The following USH2A variants were observed in gnomAD, a reference collection of about 807,000 sequenced individuals.
The protein encoded by USH2A is Usher syndrome 2A (autosomal recessive, mild).
USH2A carries 443 observed loss-of-function variants against 538.9 expected under a neutral mutation model. The ratio of observed to expected loss-of-function variants is 0.82; its 90% confidence interval spans 0.76 to 0.89. The LOEUF is 0.89. Ranked by LOEUF, USH2A falls within the 40% of genes least tolerant of loss-of-function variation. The pLI, the probability that USH2A is intolerant of heterozygous loss-of-function variation, is 0.00. For missense variants in USH2A, 6,633 were observed against 6,324.8 expected (o/e 1.05, Z -1.65); for synonymous variants, 2,413 against 2,273.5 (o/e 1.06, Z -1.75).
chr1:216,001,274 G>C (rs897264248), intron 32 of USH2A, among the ~76,000 whole-genome samples: 14 of 152,190 alleles, frequency 9.2e-5, no homozygotes, highest in African/African-American at 3.4e-4. Flanking sequence ...ACAATACCTG[G>C]CACATTGTAG....
At chr1:216,315,304 A>T (rs1418699755) in intron 9 of USH2A, among the ~76,000 whole-genome samples, 1 of 152,154 alleles carries the variant, frequency 6.6e-6, no homozygotes, top group Non-Finnish European at 1.5e-5. Context: ...TTAGGGAATG[A>T]TCTAAAAGTG....
chr1:216,048,338 C>T (rs1571915319), intron 31 of USH2A, among the ~76,000 whole-genome samples, 196 bp downstream of exon 31: 1 of 152,246 alleles, frequency 6.6e-6, no homozygotes, highest in South Asian at 2.1e-4. Flanking sequence ...ATTAAAGATG[C>T]ATGTCATTAA....
chr1:215,765,541 A>G (rs982300786), intron 56 of USH2A, among the ~76,000 whole-genome samples: 2 of 152,150 alleles, frequency 1.3e-5, no homozygotes, highest in African/African-American at 4.8e-5. Context: ...TGGTTTCCCC[A>G]TATGAAAAAT....
chr1:216,300,741 GTTTTT>G (rs531354825), intron 9 of USH2A, among the ~76,000 whole-genome samples: 1 of 116,576 alleles, frequency 8.6e-6, no homozygotes, highest in Non-Finnish European at 1.8e-5. Context: ...TAGACTCAAT[GTTTTT>G]TTTTTTTTTT....
chr1:216,134,868 T>C (rs1440229666), intron 21 of USH2A, among the ~76,000 whole-genome samples: 3 of 152,136 alleles, frequency 2.0e-5, no homozygotes, highest in Non-Finnish European at 4.4e-5. Context: ...AGTAAAGAGC[T>C]ATGCCAAAGT....
chr1:215,689,132 C>A (rs77847242), intron 61 of USH2A, among the ~76,000 whole-genome samples: 44 of 152,158 alleles, frequency 2.9e-4, no homozygotes, highest in Middle Eastern at 3.4e-3. Context: ...GAAGTCTGAG[C>A]AGTAACAGAT....
chr1:215,833,983 G>A (rs964399880), intron 47 of USH2A, among the ~76,000 whole-genome samples: 12 of 152,070 alleles, frequency 7.9e-5, no homozygotes, highest in African/African-American at 2.9e-4. Context: ...TAGGGAAAAT[G>A]TAATTTAAGA....
intron 30 of USH2A, among the ~76,000 whole-genome samples, chr1:216,056,110 C>T (rs1410982554): frequency 6.6e-6 from 1 of 152,166 alleles, no homozygotes; most frequent in Non-Finnish European, 1.5e-5. Flanking sequence ...AGCAGGTTTA[C>T]CTCTAACCTC....
intron 3 of USH2A, 77 bp from the exon 4 acceptor site, chr1:216,365,162 A>G: frequency 3.3e-6 from 5 of 1,507,042 alleles, no homozygotes; most frequent in Non-Finnish European, 4.5e-6. Flanking sequence ...AGCAGTTTTT[A>G]TTAAGTAACT....
intron 60 of USH2A, among the ~76,000 whole-genome samples, chr1:215,735,901 G>A (rs964876422): frequency 6.6e-6 from 1 of 151,958 alleles, no homozygotes; most frequent in Non-Finnish European, 1.5e-5. Flanking sequence ...TTTTTATCAT[G>A]CTTCACATTT....
At chr1:216,392,384 C>CAGCTACTT (rs2039125711) in intron 3 of USH2A, among the ~76,000 whole-genome samples, 1 of 146,478 alleles carries the variant, frequency 6.8e-6, no homozygotes, top group African/African-American at 2.5e-5. Context: ...CCTGTAGTCC[C>CAGCTACTT]GGGAGGCTGA....
chr1:215,981,723 T>C (rs1667756766), intron 35 of USH2A, among the ~76,000 whole-genome samples: 2 of 152,192 alleles, frequency 1.3e-5, no homozygotes, highest in South Asian at 4.1e-4. Context: ...CCAAACCTTA[T>C]TGTCAACATC....
At chr1:215,829,956 A>T (rs12096218) in intron 47 of USH2A, among the ~76,000 whole-genome samples, 2 of 152,192 alleles carry the variant, frequency 1.3e-5, no homozygotes, top group African/African-American at 4.8e-5. Flanking sequence ...GAATAAGCCC[A>T]TTACAGCTTA....
chr1:215,896,985 T>C (rs1165918671), intron 40 of USH2A, among the ~76,000 whole-genome samples: 1 of 152,148 alleles, frequency 6.6e-6, no homozygotes, highest in Non-Finnish European at 1.5e-5. Context: ...TTATGATTAT[T>C]TGGCATCAGC....
chr1:216,366,806 T>C (rs948417796), intron 3 of USH2A, among the ~76,000 whole-genome samples: 9 of 152,310 alleles, frequency 5.9e-5, no homozygotes, highest in African/African-American at 2.2e-4. Flanking sequence ...TCAAATCATA[T>C]ACCAAGTCCT....
chr1:215,955,852 GGGGCC>G (rs1667052361), intron 37 of USH2A, among the ~76,000 whole-genome samples: 1 of 152,070 alleles, frequency 6.6e-6, no homozygotes. Context: ...CACTTTCTAA[GGGGCC>G]AAACATATGG....
intron 60 of USH2A, among the ~76,000 whole-genome samples, chr1:215,736,708 C>T (rs978006371): frequency 1.3e-5 from 2 of 151,754 alleles, no homozygotes; most frequent in Non-Finnish European, 2.9e-5. Flanking sequence ...ATTATACATA[C>T]CCCTCCCAAA....
At chr1:215,744,190 A>G (rs868514378) in intron 58 of USH2A, among the ~76,000 whole-genome samples, 1 of 152,158 alleles carries the variant, frequency 6.6e-6, no homozygotes, top group African/African-American at 2.4e-5. Context: ...TATCCAAATC[A>G]TGGTCTACCT....
intron 35 of USH2A, among the ~76,000 whole-genome samples, chr1:215,986,927 G>A (rs1022916273): frequency 2.6e-5 from 4 of 152,184 alleles, no homozygotes; most frequent in African/African-American, 9.7e-5. Context: ...CCCTCATGGG[G>A]CTCAGTCTAA....
Sources: gnomAD v4.1 joint callset for allele counts (sites outside exome capture counted in the v4.1 genomes callset) on GRCh38, gnomAD v4.1.1 for gene constraint, MANE v1.5 for transcripts, NCBI Gene and HGNC (gene_info 2026-07-23, HGNC 2026-07-21) for gene names.